Variants in AHCTF1 observed in about 807,000 individuals in gnomAD.
The protein encoded by AHCTF1 is AT-hook containing transcription factor 1, also known as protein ELYS.
A neutral mutation model predicts 248.4 loss-of-function variants in AHCTF1; 24 were observed. That is an observed-to-expected ratio of 0.10 (90% CI 0.07 to 0.14). The LOEUF (loss-of-function observed/expected upper bound fraction) is 0.14, where lower values mean the gene tolerates loss of function less well. Ranked by LOEUF, AHCTF1 falls within the 10% of genes least tolerant of loss-of-function variation. AHCTF1 has a pLI of 1.00. For missense variants in AHCTF1, 2,206 were observed against 2,636.2 expected (o/e 0.84, Z 3.57); for synonymous variants, 786 against 929.8 (o/e 0.85, Z 2.81).
chr1:246,902,232 C>T (rs550864385), intron 8 of AHCTF1, among the ~76,000 whole-genome samples: 7 of 152,270 alleles, frequency 4.6e-5, no homozygotes, highest in Admixed American at 1.3e-4. Flanking sequence ...AAAAAATACA[C>T]GGGTAAACTT....
chr1:246,931,144 G>C (rs114778821), intron 1 of AHCTF1: 2 of 1,550,152 alleles, frequency 1.3e-6, no homozygotes, highest in South Asian at 2.4e-5. Flanking sequence ...CCAGGCCCAA[G>C]CGCATGTGGA....
chr1:246,864,228 A>G, intron 26 of AHCTF1, 112 bp from the exon 27 acceptor site: 1 of 1,051,448 alleles, frequency 9.5e-7, no homozygotes, highest in Non-Finnish European at 1.4e-6. Flanking sequence ...ACATGCAAAT[A>G]CAGTCAAGTA....
chr1:246,924,839 A>C (rs1666821397), intron 1 of AHCTF1, among the ~76,000 whole-genome samples: 1 of 146,870 alleles, frequency 6.8e-6, no homozygotes, highest in Non-Finnish European at 1.5e-5. Flanking sequence ...ATTATCCAAA[A>C]CAGATCCAAA....
At chr1:246,889,034 A>T (rs1664023394) in intron 17 of AHCTF1, among the ~76,000 whole-genome samples, 1 of 152,210 alleles carries the variant, frequency 6.6e-6, no homozygotes, top group African/African-American at 2.4e-5. Flanking sequence ...CAGTCAGTCA[A>T]GGTGAGGTCC....
At chr1:246,841,111 T>C (rs918691175) in intron 35 of AHCTF1, 113 bp from the exon 36 acceptor site, 19 of 846,068 alleles carry the variant, frequency 2.2e-5, no homozygotes, top group African/African-American at 3.5e-5. Context: ...TTTCATTTTA[T>C]AAAAGATGTA....
rs1184289346 is a variant in AHCTF1, at chr1:246,868,865, G to C, written c.3089-1054C>G. 7.5e-5 allele frequency among the ~76,000 whole-genome samples: 10 copies of C among 133,370 alleles called. 1 individual carries two copies. The highest frequency in any genetic ancestry group is 9.3e-5 in the Non-Finnish European group (6 of 64,230). 87.5% of individuals were successfully genotyped at this position (133,370 alleles called of 152,430 possible). A position where few individuals can be genotyped will look rare whatever the true frequency, so the allele number is the denominator to read the frequency against. On this transcript the variant is annotated intron_variant, in intron 24 of 35. Coordinates refer to ENST00000648844, the MANE Select transcript of AHCTF1 (RefSeq NM_001323342.2). Reference sequence around the variant, plus strand: ...TTTTTTGTTTTTTTTTTTTTTTTGAGATGGAGTCTCGCTCTGTCACCCAGG... The same window carrying C: ...TTTTTTGTTTTTTTTTTTTTTTTGACATGGAGTCTCGCTCTGTCACCCAGG...
At chr1:246,920,542 C>T (rs953276370) in intron 1 of AHCTF1, among the ~76,000 whole-genome samples, 10 of 151,998 alleles carry the variant, frequency 6.6e-5, no homozygotes, top group South Asian at 4.2e-4. Context: ...GAGGCTGAGG[C>T]GGCGAATCAT....
In AHCTF1 at chr1:246,869,463, G is replaced by A. The variant is rs540024963; in HGVS notation, c.3089-1652C>T. Reference sequence around the variant, plus strand: ...ACCTGAAGGAAATTAAAAGTGCTACGTCAGTGAACACATGAATGGAGAAGT... The same window carrying A: ...ACCTGAAGGAAATTAAAAGTGCTACATCAGTGAACACATGAATGGAGAAGT... On this transcript the variant is annotated intron_variant, in intron 24 of 35. Coordinates refer to ENST00000648844, the MANE Select transcript of AHCTF1 (RefSeq NM_001323342.2). Among the ~76,000 whole-genome samples the A allele has an allele frequency of 9.7e-4, 148 of 152,320 alleles. 1 individual carries two copies. The highest frequency in any genetic ancestry group is 1.8e-3 in the African/African-American group (74 of 41,570).
intron 21 of AHCTF1, among the ~76,000 whole-genome samples, chr1:246,881,837 C>T (rs1426689143): frequency 2.6e-5 from 2 of 76,692 alleles, no homozygotes; most frequent in Non-Finnish European, 2.7e-5. Context: ...GGCTCCGTCT[C>T]AAAAAAAAAA....
chr1:246,926,833 G>C (rs1386182940), intron 1 of AHCTF1, among the ~76,000 whole-genome samples: 1 of 151,892 alleles, frequency 6.6e-6, no homozygotes, highest in African/African-American at 2.4e-5. Context: ...TCCAGCCTGG[G>C]CAACAAGAGC....
intron 1 of AHCTF1, 92 bp from the exon 2 acceptor site, chr1:246,918,469 C>A (rs1031169034): frequency 1.6e-6 from 2 of 1,227,078 alleles, no homozygotes; most frequent in African/African-American, 3.1e-5. Context: ...TAAAAGCCAC[C>A]AACAAAATAA....
In AHCTF1 at chr1:246,850,125, C is replaced by G; in HGVS notation, c.5881G>C (p.Val1961Leu). 1 of 1,613,924 alleles carries G rather than the reference C, an allele frequency of 6.2e-7. No homozygotes were observed. The highest frequency in any genetic ancestry group is 1.1e-5 in the South Asian group (1 of 91,068). ...GCAGACATATCAAATTCTGCTTGAA[C>G]AGTCAACTGAGATGACTCAAGGTTG... The part of the protein sequence containing the change: ...DSNLESSQLT[V>L]QAEFDMSAIP... Residue 1961 changes from valine to leucine, a missense_variant, in exon 33 of 36, where the codon GTT becomes CTT. By Grantham distance (32) the Val-to-Leu change is conservative. Coordinates refer to ENST00000648844, the MANE Select transcript of AHCTF1 (RefSeq NM_001323342.2).
rs542206071 is a variant in AHCTF1, at chr1:246,863,148, A to G, written c.3540+776T>C. 7.9e-5 allele frequency among the ~76,000 whole-genome samples: 12 copies of G among 152,320 alleles called. No homozygotes were observed. In the South Asian group the frequency reaches 2.5e-3, roughly 32 times the overall value. ...AAAAATACTATACTGAATATTTTAA[A>G]TTATTGAAACCTAATCTTTTCAACT... On this transcript the variant is annotated intron_variant, in intron 27 of 35. Transcript: ENST00000648844.
Position 246,877,097 on chromosome 1 carries a change from TAG to T in AHCTF1, c.2806-18_2806-17del. 3 of 1,612,306 alleles carry T rather than the reference TAG, an allele frequency of 1.9e-6. No individual in the cohort carries two copies. The highest frequency in any genetic ancestry group is 2.5e-6 in the Non-Finnish European group (3 of 1,179,908). On this transcript the variant is annotated splice_polypyrimidine_tract_variant and intron_variant, in intron 22 of 35. Coordinates refer to ENST00000648844, the MANE Select transcript of AHCTF1 (RefSeq NM_001323342.2). Reference sequence around the variant, plus strand: ...CTAAACATTCCTAAAAAGAACAAAATAGATTGTAAACTACCAATTTATCTTGA... The same window carrying T: ...CTAAACATTCCTAAAAAGAACAAAATATTGTAAACTACCAATTTATCTTGA...
At chr1:246,887,751 T>A (rs893421454) in intron 19 of AHCTF1, among the ~76,000 whole-genome samples, 6 of 152,206 alleles carry the variant, frequency 3.9e-5, no homozygotes, top group Non-Finnish European at 8.8e-5. Flanking sequence ...ACTAAGTAAC[T>A]AACATTAGCA....
At chr1:246,885,775 T>A in intron 20 of AHCTF1, 95 bp from the exon 21 acceptor site, 1 of 1,169,124 alleles carries the variant, frequency 8.6e-7, no homozygotes, top group Non-Finnish European at 1.2e-6. Flanking sequence ...AAAATCCAGA[T>A]AAGACTCGTT....
Position 246,840,704 on chromosome 1 carries a change from C to T in AHCTF1, c.*102G>A, listed in dbSNP as rs1659793763. The T allele has an allele frequency of 5.5e-6, 5 of 911,656 alleles. No individual in the cohort carries two copies. Among genetic ancestry groups the T allele is most frequent in the African/African-American group, 3.5e-5 (2 of 57,434 alleles). The allele number at this position is 911,656 out of a possible 1,614,324, so 56.5% of individuals were successfully genotyped here. ...GACCTTCTGTTTACATAAAAATTTA[C>T]AATAATTTATATAAATTATTTTCTT... is the stretch of plus-strand genomic sequence containing the variant. On this transcript the variant is annotated 3_prime_UTR_variant, in exon 36 of 36. Coordinates refer to ENST00000648844, the MANE Select transcript of AHCTF1 (RefSeq NM_001323342.2).
intron 21 of AHCTF1, among the ~76,000 whole-genome samples, chr1:246,879,839 CA>C (rs34479116): frequency 1.3e-5 from 2 of 148,540 alleles, no homozygotes; most frequent in East Asian, 2.0e-4. Context: ...CCAACCCCGC[CA>C]AAAAAAAAGG....
intron 24 of AHCTF1, among the ~76,000 whole-genome samples, chr1:246,868,128 A>ATTT (rs1028892311): frequency 9.7e-5 from 13 of 133,816 alleles, no homozygotes; most frequent in African/African-American, 2.8e-4. Context: ...AGCCCGGCTA[A>ATTT]TTTTTTTTTT....
Sources: gnomAD v4.1 joint callset for allele counts (sites outside exome capture counted in the v4.1 genomes callset) on GRCh38, gnomAD v4.1.1 for gene constraint, MANE v1.5 for transcripts, NCBI Gene and HGNC (gene_info 2026-07-23, HGNC 2026-07-21) for gene names.